Variants in IGLON5 observed in about 807,000 individuals in gnomAD.
IGLON5 encodes the protein Ig-like domain-containing protein ENSP00000270642.
A neutral mutation model predicts 38.2 loss-of-function variants in IGLON5; 16 were observed. The observed-to-expected ratio is 0.42, with a 90% CI of 0.28 to 0.64. The LOEUF is 0.64. IGLON5 is among the 30% of genes least tolerant of loss of function. The probability of loss-of-function intolerance (pLI) is 0.23; values close to 1 mark genes in which losing one functional copy is unlikely to be tolerated. For synonymous variants in IGLON5, 207 were observed against 216.4 expected, an observed-to-expected ratio of 0.96 and a Z score of 0.38; for missense variants, 366 against 483.4, an observed-to-expected ratio of 0.76 and a Z score of 2.28.
In IGLON5 at chr19:51,325,756, G is replaced by A. The variant is rs898626439; in HGVS notation, c.511+291G>A. On this transcript the variant is annotated intron_variant, in intron 4 of 7. Transcript: ENST00000270642. The surrounding 1 kb of genome is among the most constrained non-coding windows in gnomAD (Gnocchi z 5.5). Reference sequence around the variant, plus strand: ...CCCAGTGTCCCCGATGTCTCCCCACGCGCTCACAGCATTCTCCTGGGCTGA... The same window carrying A: ...CCCAGTGTCCCCGATGTCTCCCCACACGCTCACAGCATTCTCCTGGGCTGA... Among the ~76,000 whole-genome samples, 4 of 151,994 alleles carry A rather than the reference G, an allele frequency of 2.6e-5. No individual in the cohort carries two copies. Among genetic ancestry groups the A allele is most frequent in the African/African-American group, 7.3e-5 (3 of 41,368 alleles).
In IGLON5 at chr19:51,324,324, C is replaced by T. The variant is rs574338674; in HGVS notation, c.391+430C>T. ...CACAGGGCTAAGACCGGAAAAGAAA[C>T]AGTGTGTGCAGGGCCAGGCAAGAAG... On this transcript the variant is annotated intron_variant, in intron 3 of 7. Coordinates refer to ENST00000270642, the MANE Select transcript of IGLON5 (RefSeq NM_001101372.3). This position sits in a 1 kb window ranked among gnomAD's most constrained non-coding sequence, Gnocchi z 4.2. Among the ~76,000 whole-genome samples, 1 of 152,280 alleles carries T rather than the reference C, an allele frequency of 6.6e-6. No individual in the cohort carries two copies. The highest frequency in any genetic ancestry group is 6.5e-5 in the Admixed American group (1 of 15,298).
chr19:51,315,991 G>T lies in IGLON5; in HGVS notation c.79+4065G>T, dbSNP rs56225819. ...TTACAGGCGTGAGCCACCACGCCCCGCCGGAAGTCAACCTTTCAAAGTTGA... is the reference window on the plus strand; with the variant it reads ...TTACAGGCGTGAGCCACCACGCCCCTCCGGAAGTCAACCTTTCAAAGTTGA... On this transcript the variant is annotated intron_variant, in intron 1 of 7. Coordinates refer to ENST00000270642, the MANE Select transcript of IGLON5 (RefSeq NM_001101372.3). Among the ~76,000 whole-genome samples, 1,435 of 148,028 alleles carry T rather than the reference G, an allele frequency of 9.7e-3. 23 individuals are homozygous for T. The highest frequency in any genetic ancestry group is 0.033 in the African/African-American group (1,336 of 40,634).
chr19:51,315,577 G>A lies in IGLON5; in HGVS notation c.79+3651G>A, dbSNP rs899631015. Among the ~76,000 whole-genome samples, 6 of 151,654 alleles carry A rather than the reference G, an allele frequency of 4.0e-5. No homozygotes were observed. The South Asian group carries it at 6.3e-4, about 16-fold the overall frequency. On this transcript the variant is annotated intron_variant, in intron 1 of 7. Transcript: ENST00000270642. Reference sequence around the variant, plus strand: ...AAAAGATAATTTCAGAGAGTGATGAGTAATGTAAAGAAGATAAAAGTGACT... The same window carrying A: ...AAAAGATAATTTCAGAGAGTGATGAATAATGTAAAGAAGATAAAAGTGACT...
In IGLON5 at chr19:51,312,587, G is replaced by A. The variant is rs191256512; in HGVS notation, c.79+661G>A. On this transcript the variant is annotated intron_variant, in intron 1 of 7. Transcript: ENST00000270642. ...GGTTGCAGTTATGTGGGGGAGAAGG[G>A]AGCTGGAGATACAGGAAGTTGGGGT... is the stretch of plus-strand genomic sequence containing the variant. Among the ~76,000 whole-genome samples, 552 of 152,256 alleles carry A rather than the reference G, an allele frequency of 3.6e-3. 5 individuals carry two copies. Among genetic ancestry groups the A allele is most frequent in the African/African-American group, 0.013 (531 of 41,542 alleles).
intron 1 of IGLON5, among the ~76,000 whole-genome samples, chr19:51,320,401 G>A (rs1412443495): frequency 6.6e-6 from 1 of 152,156 alleles, no homozygotes; most frequent in South Asian, 2.1e-4. Flanking sequence ...CCCCGCGCAG[G>A]CCCCTCCCAC....
chr19:51,325,067 A>G lies in IGLON5; in HGVS notation c.392-279A>G, dbSNP rs535105398. 1.3e-5 allele frequency among the ~76,000 whole-genome samples: 2 copies of G among 152,258 alleles called. No homozygotes were observed. Among genetic ancestry groups the G allele is most frequent in the South Asian group, 4.1e-4 (2 of 4,828 alleles). The stretch of plus-strand genomic sequence containing the variant: ...GAGAATAGAGACAAGACCAGCAATT[A>G]GACAAGAAGATGCCAGGCCCAGACA... On this transcript the variant is annotated intron_variant, in intron 3 of 7. Transcript: ENST00000270642. The surrounding 1 kb of genome is among the most constrained non-coding windows in gnomAD (Gnocchi z 5.5).
At chr19:51,315,986 G>A (rs1414040038) in intron 1 of IGLON5, among the ~76,000 whole-genome samples, 2 of 148,828 alleles carry the variant, frequency 1.3e-5, no homozygotes, top group Non-Finnish European at 3.0e-5. Context: ...GAGCCACCAC[G>A]CCCCGCCGGA....
chr19:51,313,034 CAGAGTCCCCA>C (rs539167361), intron 1 of IGLON5, among the ~76,000 whole-genome samples: 144 of 152,310 alleles, frequency 9.5e-4, no homozygotes, highest in African/African-American at 3.4e-3. Context: ...AGAACCCCGA[CAGAGTCCCCA>C]AGAGTCTCAG....
At chr19:51,318,276 GT>G (rs1204979107) in intron 1 of IGLON5, among the ~76,000 whole-genome samples, 1 of 152,220 alleles carries the variant, frequency 6.6e-6, no homozygotes, top group Non-Finnish European at 1.5e-5. Context: ...CAGGCCCAGT[GT>G]TGGGAGATGC....
rs2045099003 is a variant in IGLON5, at chr19:51,329,102, G to A, written c.*343G>A. The A allele has an allele frequency of 6.9e-6, 1 of 145,204 alleles. No individual in the cohort carries two copies. Among genetic ancestry groups the A allele is most frequent in the Non-Finnish European group, 1.5e-5 (1 of 66,948 alleles). 9.0% of individuals were successfully genotyped at this position (145,204 alleles called of 1,614,324 possible). A position where few individuals can be genotyped will look rare whatever the true frequency, so the allele number is the denominator to read the frequency against. On this transcript the variant is annotated 3_prime_UTR_variant, in exon 8 of 8. Transcript: ENST00000270642. This position sits in a 1 kb window ranked among gnomAD's most constrained non-coding sequence, Gnocchi z 4.3. ...TGTGAGTGTGAGCCTGCATGCATGT[G>A]TAGGTGTCTGTGTCTCTGTTTGTGT... is the stretch of plus-strand genomic sequence containing the variant.
In IGLON5 at chr19:51,327,982, T is replaced by C; in HGVS notation, c.922+96T>C. 7 of 1,290,226 alleles carry C rather than the reference T, an allele frequency of 5.4e-6. No homozygotes were observed. The highest frequency in any genetic ancestry group is 4.1e-6 in the Non-Finnish European group (4 of 974,024). The allele number at this position is 1,290,226 out of a possible 1,614,324, so 79.9% of individuals were successfully genotyped here. ...CCGGGACCGCCCTTCAGGCTGGCCC[T>C]GAACTTAGGAGATGGACGCTGAGAC... On this transcript the variant is annotated intron_variant, in intron 7 of 7. Transcript: ENST00000270642. This position sits in a 1 kb window ranked among gnomAD's most constrained non-coding sequence, Gnocchi z 7.1.
At chr19:51,328,024 T>G (rs1474374278) in intron 7 of IGLON5, 138 bp downstream of exon 7, 1 of 918,056 alleles carries the variant, frequency 1.1e-6, no homozygotes, top group Non-Finnish European at 1.6e-6. Flanking sequence ...GCAATGCGAG[T>G]AAGAAACCGA....
chr19:51,329,009 C>T lies in IGLON5; in HGVS notation c.*250C>T, dbSNP rs566307418. ...ACCCGTTCACGTTTCCGATTGTGAC[C>T]CACTCCCGCCACCCCATACCCCTCT... On this transcript the variant is annotated 3_prime_UTR_variant, in exon 8 of 8. Coordinates refer to ENST00000270642, the MANE Select transcript of IGLON5 (RefSeq NM_001101372.3). This position sits in a 1 kb window ranked among gnomAD's most constrained non-coding sequence, Gnocchi z 4.3. The T allele has an allele frequency of 2.0e-4, 86 of 420,678 alleles. No homozygotes were observed. The highest frequency in any genetic ancestry group is 3.3e-4 in the Non-Finnish European group (76 of 233,260). The allele number at this position is 420,678 out of a possible 1,614,324, so 26.1% of individuals were successfully genotyped here. A position where few individuals can be genotyped will look rare whatever the true frequency, so the allele number is the denominator to read the frequency against.
At chr19:51,313,672 TTTCTTTCTTTCTTTCTTTCTTTC>T (rs771764611) in intron 1 of IGLON5, among the ~76,000 whole-genome samples, 2,030 of 85,628 alleles carry the variant, frequency 0.024, 28 homozygotes, top group Middle Eastern at 0.045. Flanking sequence ...TCTTTCTTTC[TTTCTTTCTTTCTTTCTTTCTTTC>T]TTCTTTCTTC....
At chr19:51,311,963 C>T in intron 1 of IGLON5, 37 bp downstream of exon 1, 2 of 1,178,220 alleles carry the variant, frequency 1.7e-6, no homozygotes, top group South Asian at 4.9e-5. Flanking sequence ...TCGGCCGGGA[C>T]GCCAGGGTCT....
intron 3 of IGLON5, 43 bp downstream of exon 3, chr19:51,323,937 G>A: frequency 1.5e-6 from 2 of 1,378,616 alleles, no homozygotes; most frequent in East Asian, 2.3e-5. Flanking sequence ...GGGGTTGAGA[G>A]CGTGGGGGAG....
Position 51,330,856 on chromosome 19 carries a change from A to C in IGLON5, c.*2097A>C, listed in dbSNP as rs1985339941. Among the ~76,000 whole-genome samples, 1 of 152,198 alleles carries C rather than the reference A, an allele frequency of 6.6e-6. No individual in the cohort carries two copies. Among genetic ancestry groups the C allele is most frequent in the African/African-American group, 2.4e-5 (1 of 41,442 alleles). ...ACTTAACTGATGCCCATTTTCACTT[A>C]TATAAGCAATAAAGTCCCCTGTATA... On this transcript the variant is annotated 3_prime_UTR_variant, in exon 8 of 8. Transcript: ENST00000270642.
chr19:51,327,186 C>T lies in IGLON5; in HGVS notation c.753C>T (p.Tyr251=), dbSNP rs988450931. The change falls in exon 6 of 8, where the codon TAC becomes TAT. Residue 251 remains tyrosine (Y), a synonymous_variant. Transcript: ENST00000270642. The surrounding 1 kb of genome is among the most constrained non-coding windows in gnomAD (Gnocchi z 7.1). ...TTCCCCCCGCGGATTTCCAGTGGTACAAGGATGACAGACTGTGAGGACAGC... is the reference window on the plus strand; with the variant it reads ...TTCCCCCCGCGGATTTCCAGTGGTATAAGGATGACAGACTGTGAGGACAGC... ...MAVPPADFQW[Y]KDDRLLSSGT... is the part of the protein sequence containing the mutation. 6.2e-7 allele frequency: 1 copy of T among 1,612,042 alleles called. No homozygotes were observed. Among genetic ancestry groups the T allele is most frequent in the African/African-American group, 1.3e-5 (1 of 75,030 alleles).
At chr19:51,321,939 T>A in intron 1 of IGLON5, 125 bp from the exon 2 acceptor site, 1 of 771,748 alleles carries the variant, frequency 1.3e-6, no homozygotes, top group South Asian at 1.5e-5. Flanking sequence ...GTGGTGCATG[T>A]GTGTGGCAGC....
Sources: gnomAD v4.1 joint callset for allele counts (sites outside exome capture counted in the v4.1 genomes callset) on GRCh38, gnomAD v4.1.1 for gene constraint, Gnocchi (gnomAD v3.1) non-coding constraint, MANE v1.5 for transcripts, NCBI Gene and HGNC (gene_info 2026-07-23, HGNC 2026-07-21) for gene names.